The following ZNF704 variants were observed in gnomAD, a reference collection of about 807,000 sequenced individuals.
ZNF704 encodes glucocorticoid induced gene 1.
Under a neutral mutation model 44.7 loss-of-function variants are expected in ZNF704, and 10 were observed. That is an observed-to-expected ratio of 0.22 (90% CI 0.14 to 0.38). The LOEUF (loss-of-function observed/expected upper bound fraction) is 0.38. Among genes scored for constraint, ZNF704 ranks in the 10% least tolerant of loss-of-function variants. The probability of loss-of-function intolerance (pLI) is 1.00; values close to 1 mark genes in which losing one functional copy is unlikely to be tolerated. For synonymous variants in ZNF704, 211 were observed against 207.6 expected (o/e 1.02, Z -0.14); for missense variants, 390 against 545.5 (o/e 0.71, Z 2.84).
At chr8:80,870,293 C>T (rs1809229850) in intron 1 of ZNF704, among the ~76,000 whole-genome samples, 1 of 152,158 alleles carries the variant, frequency 6.6e-6, no homozygotes. Context: ...CTACTGTATC[C>T]CATCTTTTAA....
intron 7 of ZNF704, among the ~76,000 whole-genome samples, chr8:80,644,567 T>C (rs1302798936): frequency 6.6e-6 from 1 of 152,102 alleles, no homozygotes; most frequent in South Asian, 2.1e-4. Context: ...CAAGTCACCA[T>C]ACATACAACA....
At chr8:80,871,670 T>A (rs1349695611) in intron 1 of ZNF704, among the ~76,000 whole-genome samples, 1 of 152,230 alleles carries the variant, frequency 6.6e-6, no homozygotes, top group Non-Finnish European at 1.5e-5. Flanking sequence ...ACATAATAGG[T>A]GTTCAATAAA....
intron 2 of ZNF704, among the ~76,000 whole-genome samples, chr8:80,750,248 C>G (rs1806918333): frequency 6.6e-6 from 1 of 151,992 alleles, no homozygotes; most frequent in South Asian, 2.1e-4. Flanking sequence ...GCTATGATTT[C>G]TCACTCTGAC....
intron 7 of ZNF704, among the ~76,000 whole-genome samples, chr8:80,645,646 C>T (rs1019208119): frequency 9.2e-5 from 14 of 152,132 alleles, no homozygotes; most frequent in Non-Finnish European, 1.9e-4. Flanking sequence ...ACATGACGTG[C>T]CTGCTCCTGC....
intron 2 of ZNF704, among the ~76,000 whole-genome samples, chr8:80,760,993 C>G (rs1807121151): frequency 6.6e-6 from 1 of 152,118 alleles, no homozygotes; most frequent in African/African-American, 2.4e-5. Context: ...AAAATCCACC[C>G]CCATGATCCA....
chr8:80,754,492 G>C (rs1807002382), intron 2 of ZNF704, among the ~76,000 whole-genome samples: 1 of 152,240 alleles, frequency 6.6e-6, no homozygotes. Flanking sequence ...TGATATGTAT[G>C]TATGCAAATT....
At chr8:80,805,440 G>T (rs2129812585) in intron 2 of ZNF704, among the ~76,000 whole-genome samples, 1 of 152,196 alleles carries the variant, frequency 6.6e-6, no homozygotes, top group Admixed American at 6.5e-5. Flanking sequence ...GAATTATGGG[G>T]GACCCAGCCT....
chr8:80,763,117 A>T (rs1235225051), intron 2 of ZNF704, among the ~76,000 whole-genome samples: 1 of 152,166 alleles, frequency 6.6e-6, no homozygotes, highest in Non-Finnish European at 1.5e-5. Context: ...GAGTGTCTGC[A>T]GCTTTTCTAG....
intron 1 of ZNF704, among the ~76,000 whole-genome samples, chr8:80,822,516 T>C (rs865850205): frequency 2.6e-5 from 4 of 152,342 alleles, no homozygotes; most frequent in East Asian, 1.9e-4. Flanking sequence ...TATGTGTGCA[T>C]GTGTCTTTAT....
intron 1 of ZNF704, among the ~76,000 whole-genome samples, chr8:80,858,594 G>A (rs766949529): frequency 4.0e-5 from 6 of 151,894 alleles, no homozygotes; most frequent in African/African-American, 7.3e-5. Flanking sequence ...TTAGCCAAGC[G>A]TGGTAGTGCA....
intron 2 of ZNF704, among the ~76,000 whole-genome samples, chr8:80,818,071 T>C (rs28491836): frequency 3.3e-5 from 5 of 151,342 alleles, no homozygotes; most frequent in African/African-American, 1.2e-4. Flanking sequence ...TGGGAAGGGG[T>C]TCCCAGATCT....
At chr8:80,742,856 G>C (rs996338970) in intron 2 of ZNF704, among the ~76,000 whole-genome samples, 2 of 152,008 alleles carry the variant, frequency 1.3e-5, no homozygotes, top group African/African-American at 4.8e-5. Flanking sequence ...CCTGTTGAGA[G>C]GAGGTACCGA....
intron 2 of ZNF704, among the ~76,000 whole-genome samples, chr8:80,772,860 G>T (rs192008008): frequency 6.6e-6 from 1 of 152,146 alleles, no homozygotes; most frequent in East Asian, 1.9e-4. Flanking sequence ...TGAAAGCTTT[G>T]ATTATTGATT....
chr8:80,678,358 T>C (rs1419007508), intron 4 of ZNF704, among the ~76,000 whole-genome samples: 1 of 150,242 alleles, frequency 6.7e-6, no homozygotes, highest in African/African-American at 2.5e-5. Context: ...CTCTTCCTTT[T>C]GACATTCCTT....
chr8:80,824,826 G>A (rs1481573117), intron 1 of ZNF704, among the ~76,000 whole-genome samples: 3 of 152,184 alleles, frequency 2.0e-5, no homozygotes, highest in Non-Finnish European at 4.4e-5. Context: ...GCCAAACTAA[G>A]CTTCATAAGT....
intron 1 of ZNF704, among the ~76,000 whole-genome samples, chr8:80,861,126 T>C (rs1237406675): frequency 1.3e-5 from 2 of 152,208 alleles, no homozygotes; most frequent in South Asian, 2.1e-4. Flanking sequence ...TTCAACTCTG[T>C]TCACTGCTAG....
the ZNF704 span, among the ~76,000 whole-genome samples, chr8:80,882,439 G>T: frequency 6.6e-6 from 1 of 151,940 alleles, no homozygotes; most frequent in Non-Finnish European, 1.5e-5. Context: ...CTTATCCTTT[G>T]CCCATAACCC....
At chr8:80,863,558 G>A (rs1420621979) in intron 1 of ZNF704, among the ~76,000 whole-genome samples, 1 of 152,038 alleles carries the variant, frequency 6.6e-6, no homozygotes, top group East Asian at 1.9e-4. Flanking sequence ...TCTTCTCTGA[G>A]GCTTATTTTA....
At chr8:80,674,454 A>G (rs1385931249) in intron 4 of ZNF704, among the ~76,000 whole-genome samples, 1 of 152,182 alleles carries the variant, frequency 6.6e-6, no homozygotes, top group East Asian at 1.9e-4. Context: ...GGTTCTGGTG[A>G]GGGTTTTTGT....
Sources: allele counts gnomAD v4.1 joint callset (sites outside exome capture counted in the v4.1 genomes callset), GRCh38; gene constraint gnomAD v4.1.1; transcripts MANE v1.5; gene names NCBI Gene and HGNC (gene_info 2026-07-23, HGNC 2026-07-21).